The following TMEM178B variants were observed in gnomAD, a reference collection of about 807,000 sequenced individuals.
The protein encoded by TMEM178B is transmembrane protein 178B.
Under a neutral mutation model 31.0 loss-of-function variants are expected in TMEM178B, and 5 were observed. The observed-to-expected ratio is 0.16, with a 90% CI of 0.08 to 0.34. The LOEUF (loss-of-function observed/expected upper bound fraction) is 0.34, where lower values mean the gene tolerates loss of function less well. TMEM178B is among the 10% of genes least tolerant of loss of function. TMEM178B has a pLI of 1.00. For synonymous variants in TMEM178B, 164 were observed against 164.0 expected (o/e 1.00, Z 0.00); for missense variants, 275 against 400.3 (o/e 0.69, Z 2.67).
intron 2 of TMEM178B, among the ~76,000 whole-genome samples, chr7:141,273,156 A>T (rs1798212083): frequency 6.6e-6 from 1 of 151,886 alleles, no homozygotes. Flanking sequence ...TCTTATGTAT[A>T]TGTGGAATCT....
chr7:141,437,529 C>A, intron 2 of TMEM178B, 79 bp from the exon 3 acceptor site: 1 of 1,503,856 alleles, frequency 6.6e-7, no homozygotes, highest in African/African-American at 1.4e-5. Flanking sequence ...CCTCTCTGCA[C>A]CCACCCCAGG....
intron 2 of TMEM178B, among the ~76,000 whole-genome samples, chr7:141,218,266 T>A (rs1027612630): frequency 6.6e-6 from 1 of 151,710 alleles, no homozygotes; most frequent in Non-Finnish European, 1.5e-5. Context: ...CAAGGAGCCA[T>A]CCTGAAGCAG....
chr7:141,221,652 G>A (rs1052571848), intron 2 of TMEM178B, among the ~76,000 whole-genome samples: 1 of 152,226 alleles, frequency 6.6e-6, no homozygotes, highest in African/African-American at 2.4e-5. Flanking sequence ...GCTATGCCCA[G>A]AACAAGGTGG....
chr7:141,321,670 G>A (rs1291656941), intron 2 of TMEM178B, among the ~76,000 whole-genome samples: 1 of 152,154 alleles, frequency 6.6e-6, no homozygotes, highest in Admixed American at 6.5e-5. Flanking sequence ...CAAAGAAAGA[G>A]GGGAGCTGCT....
intron 1 of TMEM178B, among the ~76,000 whole-genome samples, chr7:141,175,930 C>T (rs1241117001): frequency 1.3e-5 from 2 of 152,130 alleles, no homozygotes; most frequent in Non-Finnish European, 2.9e-5. Flanking sequence ...TCCTCTTTTC[C>T]TACTTGAATA....
Position 141,128,274 on chromosome 7 carries a change from A to C in TMEM178B, c.382+53582A>C, listed in dbSNP as rs555626759. ...GTCTTGTCAGTATTAAGTCAGGAAT[A>C]ATTGCTTGCTTGGCCTTAGGAGGAA... On this transcript the variant is annotated intron_variant, in intron 1 of 3. Coordinates refer to ENST00000565468, the MANE Select transcript of TMEM178B (RefSeq NM_001195278.2). 9.2e-5 allele frequency among the ~76,000 whole-genome samples: 14 copies of C among 152,278 alleles called. No individual in the cohort carries two copies. In the South Asian group the frequency reaches 2.9e-3, roughly 32 times the overall value.
At chr7:141,465,314 C>A (rs1802131471) in intron 3 of TMEM178B, among the ~76,000 whole-genome samples, 1 of 151,978 alleles carries the variant, frequency 6.6e-6, no homozygotes, top group African/African-American at 2.4e-5. Context: ...AATTAGACAT[C>A]TTTTAATTAG....
intron 3 of TMEM178B, among the ~76,000 whole-genome samples, chr7:141,455,345 T>C (rs538746307): frequency 6.6e-5 from 10 of 152,294 alleles, no homozygotes; most frequent in East Asian, 1.9e-4. Context: ...TGGGGCCACA[T>C]TGGATAATGA....
intron 1 of TMEM178B, among the ~76,000 whole-genome samples, chr7:141,155,755 C>T (rs1796059164): frequency 6.6e-6 from 1 of 152,112 alleles, no homozygotes; most frequent in Admixed American, 6.6e-5. Context: ...GGCATGAGTC[C>T]TGGCATCAGG....
chr7:141,474,330 G>A lies in TMEM178B; in HGVS notation c.*3544G>A, dbSNP rs994771543. The A allele has an allele frequency of 6.6e-6, 1 of 151,956 alleles. No individual in the cohort carries two copies. Among genetic ancestry groups the A allele is most frequent in the Non-Finnish European group, 1.5e-5 (1 of 68,000 alleles). The allele number at this position is 151,956 out of a possible 1,614,324, so 9.4% of individuals were successfully genotyped here. The stretch of plus-strand genomic sequence containing the variant: ...CCTACTTTCTCCTGCATCAACTTTG[G>A]TCAATTAACATAGACAAGTGATTCA... On this transcript the variant is annotated 3_prime_UTR_variant, in exon 4 of 4. Transcript: ENST00000565468.
chr7:141,130,332 G>T (rs1244802070), intron 1 of TMEM178B, among the ~76,000 whole-genome samples: 1 of 152,164 alleles, frequency 6.6e-6, no homozygotes, highest in Non-Finnish European at 1.5e-5. Flanking sequence ...AGAATTTACG[G>T]TTTGTAGGGC....
At chr7:141,351,999 A>T (rs1407464575) in intron 2 of TMEM178B, 1 of 152,642 alleles carries the variant, frequency 6.6e-6, no homozygotes, top group African/African-American at 2.4e-5. Flanking sequence ...TGGGACAAGG[A>T]TGTGTACCCC....
intron 3 of TMEM178B, among the ~76,000 whole-genome samples, chr7:141,439,268 C>T (rs1347607962): frequency 2.0e-5 from 3 of 152,158 alleles, no homozygotes; most frequent in Non-Finnish European, 4.4e-5. Flanking sequence ...GCTAAAAAAA[C>T]CGTCTGCTGT....
At chr7:141,204,309 T>G (rs1796927693) in intron 1 of TMEM178B, among the ~76,000 whole-genome samples, 1 of 152,166 alleles carries the variant, frequency 6.6e-6, no homozygotes. Flanking sequence ...TCATAATTAC[T>G]CTCCCAAAGG....
the TMEM178B span, among the ~76,000 whole-genome samples, chr7:141,510,685 CAAAAAAA>C: frequency 2.8e-3 from 70 of 24,962 alleles, 1 homozygote; most frequent in African/African-American, 8.6e-3. Flanking sequence ...AACTCCGTCT[CAAAAAAA>C]AAAAAAAAAA....
chr7:141,220,810 C>T (rs1200602059), intron 2 of TMEM178B, among the ~76,000 whole-genome samples: 2 of 152,200 alleles, frequency 1.3e-5, no homozygotes, highest in Non-Finnish European at 2.9e-5. Flanking sequence ...AGAACAACCC[C>T]ACTGTCCGCC....
intron 2 of TMEM178B, among the ~76,000 whole-genome samples, chr7:141,243,663 C>T (rs970337112): frequency 7.2e-5 from 11 of 152,072 alleles, no homozygotes; most frequent in Non-Finnish European, 1.3e-4. Context: ...TTGTGGTTCC[C>T]CTACTGTACT....
chr7:141,077,731 C>G (rs1794621655), intron 1 of TMEM178B, among the ~76,000 whole-genome samples: 1 of 152,176 alleles, frequency 6.6e-6, no homozygotes, highest in East Asian at 1.9e-4. Flanking sequence ...AGAAATGTAT[C>G]CATCCAAGCT....
intron 3 of TMEM178B, among the ~76,000 whole-genome samples, chr7:141,445,975 G>A (rs1801746575): frequency 6.6e-6 from 1 of 152,156 alleles, no homozygotes; most frequent in South Asian, 2.1e-4. Flanking sequence ...TTGCCTCTTG[G>A]AAAGTGCAGA....
Sources: gnomAD v4.1 joint callset for allele counts (sites outside exome capture counted in the v4.1 genomes callset) on GRCh38, gnomAD v4.1.1 for gene constraint, MANE v1.5 for transcripts, NCBI Gene and HGNC (gene_info 2026-07-23, HGNC 2026-07-21) for gene names.